Variants in THSD7B observed in about 807,000 individuals in gnomAD.
THSD7B encodes thrombospondin type 1 domain containing 7B.
THSD7B carries 138 observed loss-of-function variants against 213.6 expected under a neutral mutation model. The ratio of observed to expected loss-of-function variants is 0.65; its 90% CI spans 0.56 to 0.74. The LOEUF is 0.74. THSD7B is among the 30% of genes least tolerant of loss of function. THSD7B has a pLI of 0.00. For synonymous variants in THSD7B, 742 were observed against 687.0 expected (o/e 1.08, Z -1.25); for missense variants, 1,931 against 1,991.5 (o/e 0.97, Z 0.58).
intron 7 of THSD7B, among the ~76,000 whole-genome samples, chr2:137,229,494 C>T (rs1237421289): frequency 1.3e-5 from 2 of 152,164 alleles, no homozygotes; most frequent in African/African-American, 4.8e-5. Context: ...GCTTGAAAAG[C>T]TTTATTTGTA....
chr2:137,531,201 G>A (rs1446639147), intron 15 of THSD7B, among the ~76,000 whole-genome samples: 1 of 151,926 alleles, frequency 6.6e-6, no homozygotes, highest in Non-Finnish European at 1.5e-5. Context: ...TTCCTGTGAA[G>A]AATAGCACTC....
chr2:137,651,114 C>A (rs1246351757), intron 21 of THSD7B, among the ~76,000 whole-genome samples: 2 of 152,078 alleles, frequency 1.3e-5, no homozygotes, highest in Non-Finnish European at 2.9e-5. Context: ...ATTCCCTCCT[C>A]TTCAATTTTA....
intron 3 of THSD7B, among the ~76,000 whole-genome samples, chr2:137,086,675 G>T (rs1212571378): frequency 6.6e-6 from 1 of 152,158 alleles, no homozygotes; most frequent in Admixed American, 6.6e-5. Flanking sequence ...TACGACAATG[G>T]TCAAACAGTA....
chr2:137,426,094 G>A (rs560483808), intron 14 of THSD7B, among the ~76,000 whole-genome samples: 1 of 152,178 alleles, frequency 6.6e-6, no homozygotes, highest in East Asian at 1.9e-4. Context: ...AGCATTTTAA[G>A]AATAAAATAC....
intron 2 of THSD7B, among the ~76,000 whole-genome samples, chr2:137,047,327 T>G (rs1025540159): frequency 2.0e-4 from 31 of 152,238 alleles, no homozygotes; most frequent in African/African-American, 7.2e-4. Flanking sequence ...TTGACTCTAC[T>G]GGGTATATAG....
chr2:137,223,653 C>CA (rs1681427323), intron 7 of THSD7B, among the ~76,000 whole-genome samples: 1 of 152,130 alleles, frequency 6.6e-6, no homozygotes, highest in Admixed American at 6.5e-5. Flanking sequence ...ACTCTTTACA[C>CA]AAATATAAAA....
chr2:137,252,762 C>T (rs947255438), intron 10 of THSD7B, among the ~76,000 whole-genome samples: 6 of 152,210 alleles, frequency 3.9e-5, no homozygotes, highest in African/African-American at 9.6e-5. Context: ...TGGTGTTCCA[C>T]GGGGAGGTTG....
intron 7 of THSD7B, among the ~76,000 whole-genome samples, chr2:137,227,770 CTG>C (rs2105051111): frequency 1.3e-5 from 2 of 152,192 alleles, no homozygotes; most frequent in African/African-American, 4.8e-5. Context: ...ATCTATGAAA[CTG>C]TTAATTGTCA....
Position 137,200,844 on chromosome 2 carries a change from A to G in THSD7B, c.1723+29906A>G, listed in dbSNP as rs529807055. On this transcript the variant is annotated intron_variant, in intron 7 of 27. Coordinates refer to ENST00000409968, the MANE Select transcript of THSD7B (RefSeq NM_001316349.2). The stretch of plus-strand genomic sequence containing the variant: ...TGCTGCATGCCTGGCTAATTTAGAT[A>G]TATATTGAAGAGATGGGGACTCCTA... Among the ~76,000 whole-genome samples, 6 of 151,778 alleles carry G rather than the reference A, an allele frequency of 4.0e-5. No homozygotes were observed. The East Asian group carries it at 1.2e-3, about 30-fold the overall frequency.
chr2:137,634,957 T>A (rs1682806344), intron 20 of THSD7B, among the ~76,000 whole-genome samples: 1 of 152,138 alleles, frequency 6.6e-6, no homozygotes. Flanking sequence ...GTATACCACC[T>A]CACTGTCTAT....
intron 12 of THSD7B, among the ~76,000 whole-genome samples, chr2:137,317,262 GATACA>G (rs1354277429): frequency 1.3e-5 from 2 of 152,098 alleles, no homozygotes; most frequent in East Asian, 3.9e-4. Flanking sequence ...AGTCCTTTAT[GATACA>G]AACATCAAGT....
intron 17 of THSD7B, among the ~76,000 whole-genome samples, chr2:137,613,387 G>A (rs911618632): frequency 1.3e-5 from 2 of 152,124 alleles, no homozygotes; most frequent in African/African-American, 4.8e-5. Flanking sequence ...CATCTTGAGC[G>A]ATATGAATAC....
intron 10 of THSD7B, among the ~76,000 whole-genome samples, chr2:137,262,484 TCATAACA>T (rs1436421225): frequency 6.6e-6 from 1 of 152,160 alleles, no homozygotes; most frequent in Non-Finnish European, 1.5e-5. Context: ...CCCTGTCATT[TCATAACA>T]CATAACACAT....
chr2:137,576,257 G>A (rs1681458712), intron 17 of THSD7B, among the ~76,000 whole-genome samples: 1 of 152,074 alleles, frequency 6.6e-6, no homozygotes. Context: ...TGTATTGGAA[G>A]TGAATTTCCA....
intron 12 of THSD7B, among the ~76,000 whole-genome samples, chr2:137,313,818 A>T (rs1683996986): frequency 6.6e-6 from 1 of 152,118 alleles, no homozygotes; most frequent in African/African-American, 2.4e-5. Flanking sequence ...TTTCTTTAAG[A>T]ATGTTGAATA....
chr2:137,471,054 G>A (rs563871963), intron 15 of THSD7B, among the ~76,000 whole-genome samples: 11 of 151,658 alleles, frequency 7.3e-5, no homozygotes. Flanking sequence ...CAAGTAGCTG[G>A]GATTACAGGC....
chr2:136,989,954 A>C (rs903465228), intron 2 of THSD7B, among the ~76,000 whole-genome samples: 17 of 152,200 alleles, frequency 1.1e-4, no homozygotes, highest in African/African-American at 4.1e-4. Context: ...TCTTAACTTG[A>C]TGCTTTCTTT....
At chr2:137,160,489 C>A in intron 6 of THSD7B, 121 bp downstream of exon 6, 1 of 1,296,254 alleles carries the variant, frequency 7.7e-7, no homozygotes, top group Non-Finnish European at 1.0e-6. Flanking sequence ...AGATAACCAG[C>A]TCAAGCCTAA....
chr2:137,314,213 T>C (rs1684017520), intron 12 of THSD7B, among the ~76,000 whole-genome samples: 1 of 152,206 alleles, frequency 6.6e-6, no homozygotes. Flanking sequence ...TTTCTTTTTA[T>C]TCTTTTTTCT....
Sources: gnomAD v4.1 joint callset for allele counts (sites outside exome capture counted in the v4.1 genomes callset) on GRCh38, gnomAD v4.1.1 for gene constraint, MANE v1.5 for transcripts, NCBI Gene and HGNC (gene_info 2026-07-23, HGNC 2026-07-21) for gene names.